The following CHIC1 variants were observed in gnomAD, a reference collection of about 807,000 sequenced individuals.
CHIC1 encodes the protein cysteine rich hydrophobic domain 1.
A neutral mutation model predicts 18.5 loss-of-function variants in CHIC1; 7 were observed. That is an observed-to-expected ratio of 0.38 (90% CI 0.22 to 0.71). The LOEUF is 0.71. CHIC1 is among the 30% of genes least tolerant of loss of function. CHIC1 has a pLI of 0.49. For synonymous variants in CHIC1, 77 were observed against 73.5 expected (o/e 1.05, Z -0.25); for missense variants, 159 against 176.9 (o/e 0.90, Z 0.57).
intron 3 of CHIC1, among the ~76,000 whole-genome samples, chrX:73,622,707 G>T (rs1462754671): frequency 9.0e-6 from 1 of 111,352 alleles, no homozygotes; most frequent in East Asian, 2.8e-4. Context: ...TCTGTTCTTA[G>T]TTATTTCTTG....
intron 1 of CHIC1, among the ~76,000 whole-genome samples, chrX:73,573,951 C>T (rs767150259): frequency 6.3e-4 from 69 of 110,043 alleles, no homozygotes; most frequent in Non-Finnish European, 1.2e-3. Flanking sequence ...CTGAGTAGTA[C>T]TTGTAGTACT....
At chrX:73,593,563 G>A (rs940864357) in intron 3 of CHIC1, among the ~76,000 whole-genome samples, 1 of 111,225 alleles carries the variant, frequency 9.0e-6, no homozygotes, top group African/African-American at 3.3e-5. Flanking sequence ...TCATAGGTTT[G>A]GTCTATCTAC....
chrX:73,679,302 CA>C, intron 3 of CHIC1, 23 bp from the exon 4 acceptor site: 1 of 1,069,888 alleles, frequency 9.3e-7, no homozygotes, highest in Non-Finnish European at 1.3e-6. Flanking sequence ...CATCTTGTAA[CA>C]AAGTCTTGAT....
chrX:73,662,087 A>T (rs2057983672), intron 3 of CHIC1, among the ~76,000 whole-genome samples: 1 of 110,163 alleles, frequency 9.1e-6, no homozygotes, highest in African/African-American at 3.3e-5. Flanking sequence ...TAAATAATAA[A>T]AAAAAAGAAG....
At chrX:73,600,697 G>A (rs1201255026) in intron 3 of CHIC1, among the ~76,000 whole-genome samples, 1 of 107,258 alleles carries the variant, frequency 9.3e-6, no homozygotes, top group Non-Finnish European at 1.9e-5. Context: ...CTTGATCATG[G>A]TCGATAAGCT....
Position 73,683,856 on chromosome X carries a change from G to A in CHIC1, c.*2851G>A, listed in dbSNP as rs1300055398. ...ATGTTTATTCCTAATAACTAATATG[G>A]GCAAGTGTTATTTACAGATTTATTA... On this transcript the variant is annotated 3_prime_UTR_variant, in exon 6 of 6. Coordinates refer to ENST00000373502, the MANE Select transcript of CHIC1 (RefSeq NM_001039840.4). 9.0e-6 allele frequency: 1 copy of A among 111,360 alleles called. No homozygotes were observed. Among genetic ancestry groups the A allele is most frequent in the African/African-American group, 3.3e-5 (1 of 30,697 alleles). The allele number at this position is 111,360 out of a possible 1,213,427, so 9.2% of individuals were successfully genotyped here.
intron 1 of CHIC1, among the ~76,000 whole-genome samples, chrX:73,575,937 A>C (rs1212351452): frequency 1.8e-5 from 2 of 110,454 alleles, no homozygotes; most frequent in Non-Finnish European, 3.8e-5. Flanking sequence ...ACAGCTGTAC[A>C]AAAATATTTT....
chrX:73,599,129 T>C (rs1259671035), intron 3 of CHIC1, among the ~76,000 whole-genome samples: 1 of 110,781 alleles, frequency 9.0e-6, no homozygotes, highest in Non-Finnish European at 1.9e-5. Flanking sequence ...ATAAATGTCT[T>C]CTTTTGAGAA....
chrX:73,678,156 A>G (rs2058079668), intron 3 of CHIC1, among the ~76,000 whole-genome samples: 1 of 112,034 alleles, frequency 8.9e-6, no homozygotes, highest in Non-Finnish European at 1.9e-5. Context: ...TGGGCAGCAC[A>G]GTGTAATCTC....
chrX:73,605,505 A>G (rs2057677366), intron 3 of CHIC1, among the ~76,000 whole-genome samples: 1 of 108,329 alleles, frequency 9.2e-6, no homozygotes, highest in Non-Finnish European at 1.9e-5. Context: ...TAAGGTTAAT[A>G]TTGTTATATG....
Position 73,604,134 on chromosome X carries a change from TG to T in CHIC1, c.507+19565del, listed in dbSNP as rs2057667143. Among the ~76,000 whole-genome samples the T allele has an allele frequency of 3.8e-5, 4 of 105,838 alleles. No individual in the cohort carries two copies. In the South Asian group the frequency reaches 1.6e-3, roughly 44 times the overall value. 91.9% of individuals were successfully genotyped at this position (105,838 alleles called of 115,157 possible). Reference sequence around the variant, plus strand: ...ATTCAGCTGTGAATCCATCTGGCCCTGGGCTTTTTTCAGTTGGTAAGCTGTT... The same window carrying T: ...ATTCAGCTGTGAATCCATCTGGCCCTGGCTTTTTTCAGTTGGTAAGCTGTT... On this transcript the variant is annotated intron_variant, in intron 3 of 5. Coordinates refer to ENST00000373502, the MANE Select transcript of CHIC1 (RefSeq NM_001039840.4).
chrX:73,647,817 C>T (rs1276867043), intron 3 of CHIC1, among the ~76,000 whole-genome samples: 2 of 112,307 alleles, frequency 1.8e-5, no homozygotes, highest in Non-Finnish European at 3.8e-5. Context: ...CAGCCTAGAC[C>T]AGTGGGTTTC....
intron 3 of CHIC1, among the ~76,000 whole-genome samples, chrX:73,601,468 C>A (rs1378155282): frequency 1.9e-5 from 2 of 105,890 alleles, no homozygotes; most frequent in African/African-American, 3.7e-5. Flanking sequence ...CTACTGGGTA[C>A]ATAACGAAAT....
chrX:73,596,630 C>A (rs1276279892), intron 3 of CHIC1, among the ~76,000 whole-genome samples: 1 of 111,191 alleles, frequency 9.0e-6, no homozygotes, highest in South Asian at 3.8e-4. Context: ...TCAAACTATA[C>A]CACAAGGCTT....
intron 3 of CHIC1, among the ~76,000 whole-genome samples, chrX:73,622,056 A>G (rs1334789090): frequency 8.9e-6 from 1 of 112,048 alleles, no homozygotes; most frequent in Non-Finnish European, 1.9e-5. Context: ...AGACTTGATC[A>G]TGGTGGATAA....
intron 1 of CHIC1, among the ~76,000 whole-genome samples, chrX:73,565,278 C>T (rs1949987499): frequency 9.0e-6 from 1 of 111,703 alleles, no homozygotes; most frequent in African/African-American, 3.3e-5. Context: ...AACATTCCAC[C>T]TCCACATTTG....
chrX:73,612,267 T>C (rs2057712632), intron 3 of CHIC1, among the ~76,000 whole-genome samples: 2 of 112,246 alleles, frequency 1.8e-5, no homozygotes, highest in Admixed American at 1.9e-4. Context: ...CAGCTTTTTG[T>C]TTAATAGATC....
chrX:73,626,885 G>A (rs1211163676), intron 3 of CHIC1, among the ~76,000 whole-genome samples: 5 of 110,441 alleles, frequency 4.5e-5, no homozygotes, highest in Admixed American at 9.7e-5. Flanking sequence ...GTGCATTGAA[G>A]AGTTGGGTAT....
At chrX:73,591,100 T>C (rs1057470071) in intron 3 of CHIC1, among the ~76,000 whole-genome samples, 4 of 111,731 alleles carry the variant, frequency 3.6e-5, no homozygotes, top group Admixed American at 2.9e-4. Context: ...CAACGTTTGG[T>C]GTTGTCAGTA....
Sources: allele counts gnomAD v4.1 joint callset (sites outside exome capture counted in the v4.1 genomes callset), GRCh38; gene constraint gnomAD v4.1.1; transcripts MANE v1.5; gene names NCBI Gene and HGNC (gene_info 2026-07-23, HGNC 2026-07-21).